Variants in MCUB observed in about 807,000 individuals in gnomAD.
MCUB encodes the protein mitochondrial calcium uniporter dominant negative subunit beta.
Under a neutral mutation model 41.4 loss-of-function variants are expected in MCUB, and 46 were observed. The ratio of observed to expected loss-of-function variants is 1.11; its 90% CI spans 0.88 to 1.42. The LOEUF (loss-of-function observed/expected upper bound fraction) is 1.42, where lower values mean the gene tolerates loss of function less well. MCUB is among the 40% of genes most tolerant of loss of function. MCUB has a pLI of 0.00. For missense variants in MCUB, 403 were observed against 404.9 expected, an observed-to-expected ratio of 1.00 and a Z score of 0.04; for synonymous variants, 148 against 148.2, an observed-to-expected ratio of 1.00 and a Z score of 0.01.
intron 1 of MCUB, chr4:109,648,410 A>C: frequency 4.0e-6 from 1 of 250,034 alleles, no homozygotes; most frequent in East Asian, 1.2e-4. Context: ...CTAGCCAAAT[A>C]TTGTATGTAT....
intron 1 of MCUB, among the ~76,000 whole-genome samples, chr4:109,570,147 C>A (rs1047115018): frequency 2.6e-5 from 4 of 152,170 alleles, no homozygotes; most frequent in African/African-American, 9.7e-5. Flanking sequence ...TCATCTATCT[C>A]CATATAGTGT....
chr4:109,640,794 C>T (rs1241581987), intron 1 of MCUB, among the ~76,000 whole-genome samples: 4 of 152,206 alleles, frequency 2.6e-5, no homozygotes, highest in Admixed American at 6.5e-5. Flanking sequence ...TCTAATCATT[C>T]GTGTGTTCAC....
chr4:109,668,157 G>A (rs1729385185), intron 4 of MCUB, among the ~76,000 whole-genome samples: 1 of 152,096 alleles, frequency 6.6e-6, no homozygotes, highest in Non-Finnish European at 1.5e-5. Context: ...CAGTTGATTG[G>A]TGGTGCTATT....
At chr4:109,598,966 A>G (rs1467014495) in intron 1 of MCUB, among the ~76,000 whole-genome samples, 3 of 152,238 alleles carry the variant, frequency 2.0e-5, no homozygotes, top group African/African-American at 7.2e-5. Context: ...CTAGGCATTA[A>G]TCATTTATGA....
chr4:109,631,577 AAG>A (rs1435221862), intron 1 of MCUB, among the ~76,000 whole-genome samples: 2 of 152,348 alleles, frequency 1.3e-5, no homozygotes, highest in South Asian at 2.1e-4. Flanking sequence ...TAAGGAAAAA[AAG>A]AGGAAGTATA....
At chr4:109,642,282 G>C (rs1340437238) in intron 1 of MCUB, among the ~76,000 whole-genome samples, 1 of 152,068 alleles carries the variant, frequency 6.6e-6, no homozygotes, top group African/African-American at 2.4e-5. Context: ...TGATATCTGT[G>C]GAATACTACT....
rs11931359 is a variant in MCUB at position 109,612,999 on chromosome 4, G to A, written c.100-46012G>A. ...CGGGCGTCTGTAGTCCCAGCTACTC[G>A]CGAGGCTGAAGCAGGAGAATGGTGT... On this transcript the variant is annotated intron_variant, in intron 1 of 7. Coordinates refer to ENST00000394650, the MANE Select transcript of MCUB (RefSeq NM_017918.5). Among the ~76,000 whole-genome samples the A allele has an allele frequency of 9.4e-3, 1,424 of 152,082 alleles. 25 individuals carry two copies. Among genetic ancestry groups the A allele is most frequent in the East Asian group, 0.033 (170 of 5,150 alleles).
Position 109,564,355 on chromosome 4 carries a change from G to C in MCUB, c.99+3919G>C, listed in dbSNP as rs912362819. On this transcript the variant is annotated intron_variant, in intron 1 of 7. Coordinates refer to ENST00000394650, the MANE Select transcript of MCUB (RefSeq NM_017918.5). ...TGGTTTCACCATGTTGGCCAAGATG[G>C]TCTCGATCTCCTGACCTCGTGATCT... is the stretch of plus-strand genomic sequence containing the variant. 2.0e-5 allele frequency among the ~76,000 whole-genome samples: 3 copies of C among 151,432 alleles called. No homozygotes were observed. In the South Asian group the frequency reaches 6.2e-4, roughly 32 times the overall value.
chr4:109,666,340 T>C (rs996045625), intron 4 of MCUB, among the ~76,000 whole-genome samples: 2 of 152,198 alleles, frequency 1.3e-5, no homozygotes, highest in African/African-American at 2.4e-5. Flanking sequence ...CTGGCACATA[T>C]GGTGAGAGTG....
At chr4:109,612,337 G>A (rs527862160) in intron 1 of MCUB, among the ~76,000 whole-genome samples, 1 of 148,674 alleles carries the variant, frequency 6.7e-6, no homozygotes, top group Admixed American at 6.7e-5. Context: ...TGTGATCCCG[G>A]CTCGCTGCAA....
chr4:109,619,869 T>C (rs1728217097), intron 1 of MCUB, among the ~76,000 whole-genome samples: 1 of 152,252 alleles, frequency 6.6e-6, no homozygotes, highest in Non-Finnish European at 1.5e-5. Context: ...TCTTTAATGC[T>C]GTGTCAGCCT....
chr4:109,588,076 G>A (rs1334607063), intron 1 of MCUB, among the ~76,000 whole-genome samples: 2 of 152,208 alleles, frequency 1.3e-5, no homozygotes, highest in Admixed American at 1.3e-4. Flanking sequence ...GGAGTTAGTT[G>A]TAACTACTTA....
At chr4:109,670,238 G>A (rs1006655544) in intron 4 of MCUB, among the ~76,000 whole-genome samples, 1 of 151,892 alleles carries the variant, frequency 6.6e-6, no homozygotes, top group African/African-American at 2.4e-5. Context: ...CTGTACCCCT[G>A]GACTTAGAAC....
At chr4:109,607,070 T>C (rs1727892675) in intron 1 of MCUB, among the ~76,000 whole-genome samples, 1 of 152,146 alleles carries the variant, frequency 6.6e-6, no homozygotes, top group African/African-American at 2.4e-5. Flanking sequence ...TTTTATTGGT[T>C]CATCTTTTAG....
chr4:109,597,310 C>T lies in MCUB; in HGVS notation c.99+36874C>T, dbSNP rs1200933013. Reference sequence around the variant, plus strand: ...CTCCTCACTTCCCAGTAGGGGCGGCCGGGCAGAGGTGCCCCTCACCTCCCA... The same window carrying T: ...CTCCTCACTTCCCAGTAGGGGCGGCTGGGCAGAGGTGCCCCTCACCTCCCA... On this transcript the variant is annotated intron_variant, in intron 1 of 7. Coordinates refer to ENST00000394650, the MANE Select transcript of MCUB (RefSeq NM_017918.5). Among the ~76,000 whole-genome samples the T allele has an allele frequency of 5.4e-3, 818 of 150,866 alleles. 2 individuals carry two copies. The highest frequency in any genetic ancestry group is 0.019 in the African/African-American group (781 of 40,932).
intron 1 of MCUB, among the ~76,000 whole-genome samples, chr4:109,643,048 C>T (rs1321058659): frequency 6.6e-6 from 1 of 151,754 alleles, no homozygotes; most frequent in East Asian, 1.9e-4. Context: ...CCACCTTGGC[C>T]TCCCAAAGTG....
chr4:109,582,992 C>T (rs962904656), intron 1 of MCUB, among the ~76,000 whole-genome samples: 13 of 152,026 alleles, frequency 8.6e-5, no homozygotes, highest in South Asian at 8.3e-4. Context: ...GAAGTCAGGT[C>T]GCATGATGCC....
chr4:109,658,742 A>G (rs1365243951), intron 1 of MCUB, among the ~76,000 whole-genome samples: 1 of 152,130 alleles, frequency 6.6e-6, no homozygotes, highest in African/African-American at 2.4e-5. Context: ...ATTCTCACAG[A>G]ACTCTAGGAT....
At chr4:109,593,587 T>C (rs1165261988) in intron 1 of MCUB, among the ~76,000 whole-genome samples, 1 of 152,228 alleles carries the variant, frequency 6.6e-6, no homozygotes, top group Non-Finnish European at 1.5e-5. Context: ...ATGAATATTT[T>C]TAGTGAAATT....
Sources: gnomAD v4.1 joint callset for allele counts (sites outside exome capture counted in the v4.1 genomes callset) on GRCh38, gnomAD v4.1.1 for gene constraint, MANE v1.5 for transcripts, NCBI Gene and HGNC (gene_info 2026-07-23, HGNC 2026-07-21) for gene names.